The following GNAZ variants were observed in gnomAD, a reference collection of about 807,000 sequenced individuals.
GNAZ encodes G protein subunit alpha z.
Under a neutral mutation model 25.4 loss-of-function variants are expected in GNAZ, and 3 were observed. That is an observed-to-expected ratio of 0.12 (90% CI 0.05 to 0.30). The LOEUF (loss-of-function observed/expected upper bound fraction) is 0.30. Ranked by LOEUF, GNAZ falls within the 10% of genes least tolerant of loss-of-function variation. The pLI is 1.00. For synonymous variants in GNAZ, 211 were observed against 205.7 expected (o/e 1.03, Z -0.22); for missense variants, 241 against 501.8 (o/e 0.48, Z 4.97).
At chr22:23,094,827 C>T (rs1046715067) in intron 1 of GNAZ, among the ~76,000 whole-genome samples, 1 of 152,216 alleles carries the variant, frequency 6.6e-6, no homozygotes, top group Non-Finnish European at 1.5e-5. Context: ...CTCAGTTATC[C>T]CAGGGCTGGG....
In GNAZ at chr22:23,071,834, AGAG is replaced by A. The variant is rs2068386613; in HGVS notation, c.-450+1268_-450+1270del. 6.6e-6 allele frequency among the ~76,000 whole-genome samples: 1 copy of A among 152,180 alleles called. No individual in the cohort carries two copies. Among genetic ancestry groups the A allele is most frequent in the Admixed American group, 6.5e-5 (1 of 15,284 alleles). ...CAGCTAAGCTGGGCATTGTGGGCAGAGAGGAGAGAATAGACCGAGGCACTTGGG... is the reference window on the plus strand; with the variant it reads ...CAGCTAAGCTGGGCATTGTGGGCAGAGAGAGAATAGACCGAGGCACTTGGG... On this transcript the variant is annotated intron_variant, in intron 1 of 2. Coordinates refer to ENST00000615612, the MANE Select transcript of GNAZ (RefSeq NM_002073.4). The surrounding 1 kb of genome is among the most constrained non-coding windows in gnomAD (Gnocchi z 4.1).
At chr22:23,075,383 G>C (rs1003860973) in intron 1 of GNAZ, among the ~76,000 whole-genome samples, 4 of 152,172 alleles carry the variant, frequency 2.6e-5, no homozygotes, top group Non-Finnish European at 4.4e-5. Flanking sequence ...TTGCCCCTTG[G>C]TCTGTGGACC....
intron 1 of GNAZ, among the ~76,000 whole-genome samples, chr22:23,084,479 C>G (rs762007754): frequency 6.6e-6 from 1 of 152,184 alleles, no homozygotes; most frequent in Non-Finnish European, 1.5e-5. Flanking sequence ...TTTATCAGGA[C>G]ATAACCCCAT....
Position 23,123,824 on chromosome 22 carries a change from A to G in GNAZ, c.*393A>G, listed in dbSNP as rs1363118116. On this transcript the variant is annotated 3_prime_UTR_variant, in exon 3 of 3. Transcript: ENST00000615612. ...ATAGGCAGCAGGGCTGAGGCAAGGT[A>G]GGCCAACTGCACCCCTGTCGCCTGG... 6 of 236,894 alleles carry G rather than the reference A, an allele frequency of 2.5e-5. No homozygotes were observed. Among genetic ancestry groups the G allele is most frequent in the Non-Finnish European group, 5.0e-5 (6 of 120,178 alleles). 14.7% of individuals were successfully genotyped at this position (236,894 alleles called of 1,614,324 possible). A position where few individuals can be genotyped will look rare whatever the true frequency, so the allele number is the denominator to read the frequency against.
chr22:23,071,151 TCGACCTGC>T lies in GNAZ; in HGVS notation c.-450+582_-450+589del, dbSNP rs1251054111. ...AGGCATTTAGAGGAAGAGATGAGTA[TCGACCTGC>T]TGCGATTGTAATACGTTCCCGGCTC... On this transcript the variant is annotated intron_variant, in intron 1 of 2. Transcript: ENST00000615612. The surrounding 1 kb of genome is among the most constrained non-coding windows in gnomAD (Gnocchi z 4.1). Among the ~76,000 whole-genome samples the T allele has an allele frequency of 6.6e-6, 1 of 152,012 alleles. No individual in the cohort carries two copies. The highest frequency in any genetic ancestry group is 1.5e-5 in the Non-Finnish European group (1 of 67,986).
intron 2 of GNAZ, among the ~76,000 whole-genome samples, chr22:23,105,405 C>T (rs536185207): frequency 4.6e-5 from 7 of 152,358 alleles, no homozygotes; most frequent in Admixed American, 2.6e-4. Flanking sequence ...CCACTGGGAT[C>T]TCTCCCCACT....
Position 23,114,632 on chromosome 22 carries a change from C to T in GNAZ, c.724-8455C>T, listed in dbSNP as rs909827480. On this transcript the variant is annotated intron_variant, in intron 2 of 2. Transcript: ENST00000615612. Reference sequence around the variant, plus strand: ...CTTGTGCCTGGGTGTGGGGACTAAGCTGTCCATGTGTATCCCACATCAGCC... The same window carrying T: ...CTTGTGCCTGGGTGTGGGGACTAAGTTGTCCATGTGTATCCCACATCAGCC... 5.3e-5 allele frequency among the ~76,000 whole-genome samples: 8 copies of T among 152,378 alleles called. No individual in the cohort carries two copies. The East Asian group carries it at 1.5e-3, about 29-fold the overall frequency.
chr22:23,106,207 G>A (rs1442608824), intron 2 of GNAZ, among the ~76,000 whole-genome samples: 1 of 152,234 alleles, frequency 6.6e-6, no homozygotes, highest in Non-Finnish European at 1.5e-5. Context: ...CTAAGACCCT[G>A]CAAGTCAGTG....
At chr22:23,073,768 G>C (rs1043486926) in intron 1 of GNAZ, among the ~76,000 whole-genome samples, 6 of 152,226 alleles carry the variant, frequency 3.9e-5, no homozygotes, top group African/African-American at 1.4e-4. Context: ...ACATTTACCA[G>C]CGCCTGCTGC....
At chr22:23,079,946 G>C (rs1056043922) in intron 1 of GNAZ, among the ~76,000 whole-genome samples, 7 of 152,194 alleles carry the variant, frequency 4.6e-5, no homozygotes, top group Non-Finnish European at 8.8e-5. Flanking sequence ...GAGGGCAGGA[G>C]GTTGCAGGGC....
chr22:23,122,844 C>T (rs2070070603), intron 2 of GNAZ: 1 of 571,536 alleles, frequency 1.7e-6, no homozygotes, highest in East Asian at 2.8e-5. Flanking sequence ...GAGGAGAGAC[C>T]CAAAAGGGGC....
chr22:23,094,784 G>A lies in GNAZ; in HGVS notation c.-449-463G>A, dbSNP rs574347320. Among the ~76,000 whole-genome samples, 4 of 152,354 alleles carry A rather than the reference G, an allele frequency of 2.6e-5. No individual in the cohort carries two copies. The South Asian group carries it at 8.3e-4, about 32-fold the overall frequency. ...CCTCCCTGTGATCAGAAGTGACCCA[G>A]CTCCTGCGGGGGTAATGAGAGTCAG... On this transcript the variant is annotated intron_variant, in intron 1 of 2. Coordinates refer to ENST00000615612, the MANE Select transcript of GNAZ (RefSeq NM_002073.4).
chr22:23,089,447 C>G (rs1337346567), intron 1 of GNAZ, among the ~76,000 whole-genome samples: 1 of 152,150 alleles, frequency 6.6e-6, no homozygotes, highest in Non-Finnish European at 1.5e-5. Context: ...GTTGCCCCAG[C>G]TCTATGCCTA....
Position 23,071,634 on chromosome 22 carries a change from C to G in GNAZ, c.-450+1064C>G, listed in dbSNP as rs951416665. ...ACCGGGTGGGAGTGGACTGGGCCTGCCCTCCCAGGACTGATTGACCACCGC... is the reference window on the plus strand; with the variant it reads ...ACCGGGTGGGAGTGGACTGGGCCTGGCCTCCCAGGACTGATTGACCACCGC... On this transcript the variant is annotated intron_variant, in intron 1 of 2. Transcript: ENST00000615612. This position sits in a 1 kb window ranked among gnomAD's most constrained non-coding sequence, Gnocchi z 4.1. 7.2e-5 allele frequency among the ~76,000 whole-genome samples: 11 copies of G among 152,156 alleles called. No homozygotes were observed. Among genetic ancestry groups the G allele is most frequent in the Admixed American group, 2.6e-4 (4 of 15,286 alleles).
intron 1 of GNAZ, among the ~76,000 whole-genome samples, chr22:23,088,995 C>T (rs2068889222): frequency 6.6e-6 from 1 of 152,214 alleles, no homozygotes; most frequent in African/African-American, 2.4e-5. Context: ...AACTATCTCC[C>T]TGGGGGCAGG....
intron 2 of GNAZ, among the ~76,000 whole-genome samples, chr22:23,117,548 G>A (rs899611481): frequency 2.0e-5 from 3 of 152,228 alleles, no homozygotes; most frequent in Admixed American, 6.5e-5. Context: ...CAGGTCTTCC[G>A]ATGAGACCTC....
intron 2 of GNAZ, among the ~76,000 whole-genome samples, chr22:23,113,236 A>C (rs2069708789): frequency 6.6e-6 from 1 of 152,072 alleles, no homozygotes; most frequent in South Asian, 2.1e-4. Context: ...CCCCAGCGCC[A>C]CCTGGCCCTG....
At position 23,101,767 on chromosome 22, in the gene GNAZ, G is replaced by C. The variant is rs187603661; in HGVS notation, c.723+5349G>C. Among the ~76,000 whole-genome samples, 270 of 152,352 alleles carry C rather than the reference G, an allele frequency of 1.8e-3. 1 individual carries two copies. Among genetic ancestry groups the C allele is most frequent in the African/African-American group, 4.9e-3 (202 of 41,578 alleles). On this transcript the variant is annotated intron_variant, in intron 2 of 2. Coordinates refer to ENST00000615612, the MANE Select transcript of GNAZ (RefSeq NM_002073.4). Reference sequence around the variant, plus strand: ...CAGATCCAGAGGCAGGGCCAGGCTGGCACACTGGGCTCCCAAGGACTGGAC... The same window carrying C: ...CAGATCCAGAGGCAGGGCCAGGCTGCCACACTGGGCTCCCAAGGACTGGAC...
chr22:23,108,638 A>C (rs1359861931), intron 2 of GNAZ, among the ~76,000 whole-genome samples: 1 of 152,276 alleles, frequency 6.6e-6, no homozygotes, highest in African/African-American at 2.4e-5. Flanking sequence ...AGGTGCCCTC[A>C]TGGGGCAGAA....
Sources: allele counts gnomAD v4.1 joint callset (sites outside exome capture counted in the v4.1 genomes callset), GRCh38; gene constraint gnomAD v4.1.1; non-coding constraint Gnocchi (gnomAD v3.1); transcripts MANE v1.5; gene names NCBI Gene and HGNC (gene_info 2026-07-23, HGNC 2026-07-21).